Variants in TRABD2B observed in about 807,000 individuals in gnomAD.
TRABD2B encodes the protein metalloprotease TIKI2.
In TRABD2B, 14 loss-of-function variants were observed where a neutral mutation model predicts 40.1. The observed-to-expected ratio is 0.35, with a 90% CI of 0.23 to 0.55. The LOEUF (loss-of-function observed/expected upper bound fraction) is 0.55. Among genes scored for constraint, TRABD2B ranks in the 20% least tolerant of loss-of-function variants. TRABD2B has a pLI of 0.90. For missense variants in TRABD2B, 541 were observed against 648.6 expected (o/e 0.83, Z 1.80); for synonymous variants, 263 against 277.0 (o/e 0.95, Z 0.50).
intron 2 of TRABD2B, among the ~76,000 whole-genome samples, chr1:47,881,524 T>C (rs1644304197): frequency 6.6e-6 from 1 of 152,204 alleles, no homozygotes; most frequent in Non-Finnish European, 1.5e-5. Flanking sequence ...CACTTTACAG[T>C]TGAGGAAACT....
intron 2 of TRABD2B, among the ~76,000 whole-genome samples, chr1:47,879,957 T>G (rs1334040290): frequency 6.6e-6 from 1 of 152,168 alleles, no homozygotes; most frequent in African/African-American, 2.4e-5. Context: ...TTGTCTGGAG[T>G]AACAACTGCT....
At chr1:47,863,372 T>TTATATATATATA (rs201881656) in intron 2 of TRABD2B, among the ~76,000 whole-genome samples, 1,966 of 66,418 alleles carry the variant, frequency 0.03, 192 homozygotes, top group Admixed American at 0.084. Flanking sequence ...CTATATAATT[T>TTATATATATATA]TATATATATA....
intron 2 of TRABD2B, among the ~76,000 whole-genome samples, chr1:47,922,583 T>C (rs1644916851): frequency 6.6e-6 from 1 of 152,214 alleles, no homozygotes; most frequent in Non-Finnish European, 1.5e-5. Flanking sequence ...TATGGGCATC[T>C]CCCTGGGTCT....
intron 2 of TRABD2B, among the ~76,000 whole-genome samples, chr1:47,935,006 G>A (rs973481130): frequency 1.3e-5 from 2 of 152,122 alleles, no homozygotes; most frequent in Admixed American, 1.3e-4. Flanking sequence ...TTATCCACCT[G>A]GAAAATTCCT....
chr1:47,794,725 G>C lies in TRABD2B; in HGVS notation c.849C>G (p.His283Gln), dbSNP rs1035538054. ...CAATCTCCTGGGCCGTCACCTGCTC[G>C]TGTGGCGGGAGGGTGGTGTTGATAA... ...PNFINTTLPP[H>Q]EQVTAQEIDS... Residue 283 changes from histidine to glutamine, a missense_variant, in exon 4 of 7, where the codon CAC becomes CAG. His to Gln is a conservative substitution (Grantham distance 24, BLOSUM62 0). Transcript: ENST00000606738. 1.0e-5 allele frequency: 16 copies of C among 1,535,340 alleles called. No homozygotes were observed. The highest frequency in any genetic ancestry group is 1.4e-5 in the African/African-American group (1 of 72,858).
intron 2 of TRABD2B, among the ~76,000 whole-genome samples, chr1:47,857,696 T>C (rs1057391488): frequency 3.3e-5 from 5 of 151,648 alleles, no homozygotes; most frequent in African/African-American, 1.2e-4. Context: ...AATGAAAGAG[T>C]GAGGGAGTGA....
At chr1:47,771,090 A>G (rs1165948287) in intron 6 of TRABD2B, among the ~76,000 whole-genome samples, 1 of 152,164 alleles carries the variant, frequency 6.6e-6, no homozygotes, top group Non-Finnish European at 1.5e-5. Context: ...TGATGGGGTC[A>G]TCTTCTGCCT....
chr1:47,811,817 G>C (rs957925378), intron 2 of TRABD2B, among the ~76,000 whole-genome samples: 12 of 152,208 alleles, frequency 7.9e-5, no homozygotes, highest in African/African-American at 2.4e-4. Flanking sequence ...TGGGCCACAG[G>C]GTTCCTCTGA....
At chr1:47,773,074 C>T (rs1269825685) in intron 6 of TRABD2B, among the ~76,000 whole-genome samples, 2 of 152,242 alleles carry the variant, frequency 1.3e-5, no homozygotes, top group Non-Finnish European at 2.9e-5. Context: ...GGTTAGGGGC[C>T]GGAGCTCCAT....
chr1:47,850,849 G>A (rs1645540227), intron 2 of TRABD2B, among the ~76,000 whole-genome samples: 1 of 152,174 alleles, frequency 6.6e-6, no homozygotes, highest in Non-Finnish European at 1.5e-5. Context: ...ACAGACTCGG[G>A]GGTTGGGAGA....
intron 2 of TRABD2B, among the ~76,000 whole-genome samples, chr1:47,989,202 C>T (rs1317108980): frequency 1.3e-5 from 2 of 152,148 alleles, no homozygotes; most frequent in Non-Finnish European, 2.9e-5. Flanking sequence ...TATAAATTAC[C>T]CACTGTAAGG....
At chr1:47,792,673 T>C (rs905928580) in intron 4 of TRABD2B, among the ~76,000 whole-genome samples, 2 of 152,104 alleles carry the variant, frequency 1.3e-5, no homozygotes, top group Non-Finnish European at 2.9e-5. Context: ...CTCACTGCTG[T>C]GATTTTCATT....
chr1:47,968,568 A>G (rs1346976287), intron 2 of TRABD2B, among the ~76,000 whole-genome samples: 2 of 152,180 alleles, frequency 1.3e-5, no homozygotes, highest in Admixed American at 6.5e-5. Context: ...ACACACACAC[A>G]CGCTCCAAGA....
chr1:47,783,979 G>A (rs3892919), intron 4 of TRABD2B, among the ~76,000 whole-genome samples: 47,658 of 152,108 alleles, frequency 0.31, 7,913 homozygotes, highest in Non-Finnish European at 0.38. Context: ...CCATGGTCTC[G>A]GTCTCATGGG....
intron 2 of TRABD2B, among the ~76,000 whole-genome samples, chr1:47,864,275 C>T (rs955431105): frequency 1.3e-5 from 2 of 151,638 alleles, no homozygotes; most frequent in Non-Finnish European, 2.9e-5. Flanking sequence ...TGTCAATGAG[C>T]TTAATCAGTT....
intron 2 of TRABD2B, among the ~76,000 whole-genome samples, chr1:47,924,219 G>A (rs79311227): frequency 0.013 from 1,912 of 152,250 alleles, 39 homozygotes; most frequent in African/African-American, 0.043. Flanking sequence ...GAAATTTACC[G>A]GCTCAAGCAT....
chr1:47,841,823 C>G, intron 2 of TRABD2B, among the ~76,000 whole-genome samples: 1 of 140,996 alleles, frequency 7.1e-6, no homozygotes, highest in Admixed American at 7.5e-5. Context: ...CTCGCTCTGT[C>G]ATGCAATGGT....
chr1:47,912,582 T>C (rs1644777092), intron 2 of TRABD2B, among the ~76,000 whole-genome samples: 1 of 152,196 alleles, frequency 6.6e-6, no homozygotes, highest in Non-Finnish European at 1.5e-5. Flanking sequence ...GTATGTGTTC[T>C]AGTGGAAAAA....
intron 2 of TRABD2B, among the ~76,000 whole-genome samples, chr1:47,929,166 T>G (rs541915986): frequency 2.0e-5 from 3 of 152,242 alleles, no homozygotes; most frequent in Non-Finnish European, 4.4e-5. Context: ...GAACTGGGAC[T>G]AGGATGAGGC....
Sources: allele counts gnomAD v4.1 joint callset (sites outside exome capture counted in the v4.1 genomes callset), GRCh38; gene constraint gnomAD v4.1.1; transcripts MANE v1.5; gene names NCBI Gene and HGNC (gene_info 2026-07-23, HGNC 2026-07-21).